ERI1: variants seen among roughly 807,000 people sequenced by gnomAD.
The protein encoded by ERI1 is exoribonuclease 1.
A neutral mutation model predicts 39.7 loss-of-function variants in ERI1; 39 were observed. The ratio of observed to expected loss-of-function variants is 0.98; its 90% CI spans 0.76 to 1.28. ERI1 has a LOEUF of 1.28. Ranked by LOEUF, ERI1 falls within the 50% of genes most tolerant of loss-of-function variation. The pLI is 0.00. For missense variants in ERI1, 581 were observed against 416.9 expected (o/e 1.39, Z -3.43); for synonymous variants, 204 against 149.6 (o/e 1.36, Z -2.65).
chr8:9,063,496 G>C (rs920852536), intron 3 of ERI1, among the ~76,000 whole-genome samples: 1 of 152,136 alleles, frequency 6.6e-6, no homozygotes. Context: ...GGCTGAGGAA[G>C]AATCGGGACC....
intron 3 of ERI1, among the ~76,000 whole-genome samples, chr8:9,013,341 AAAATT>A (rs1816877588): frequency 6.6e-6 from 1 of 151,794 alleles, no homozygotes; most frequent in Admixed American, 6.6e-5. Flanking sequence ...AAAAAAAAAA[AAAATT>A]AACACTGCAC....
intron 3 of ERI1, among the ~76,000 whole-genome samples, chr8:9,063,517 T>C (rs1400809981): frequency 6.6e-6 from 1 of 151,938 alleles, no homozygotes; most frequent in Non-Finnish European, 1.5e-5. Context: ...TAGCTCGGCC[T>C]GGCAAGGAGG....
chr8:9,009,447 C>T (rs1200290743), intron 2 of ERI1, among the ~76,000 whole-genome samples: 1 of 152,120 alleles, frequency 6.6e-6, no homozygotes, highest in Non-Finnish European at 1.5e-5. Context: ...TTTCTAATTC[C>T]AGTTTGTATG....
In ERI1 at chr8:9,017,624, G is replaced by A. The variant is rs1817448152; in HGVS notation, c.583-673G>A. On this transcript the variant is annotated intron_variant, in intron 4 of 6. Coordinates refer to ENST00000250263, the MANE Select transcript of ERI1 (RefSeq NM_153332.4). ...CTGTCCTGGGGAAAAACATCCTCAAGTTGATGAACTTGGGCTGAGTCATGA... is the reference window on the plus strand; with the variant it reads ...CTGTCCTGGGGAAAAACATCCTCAAATTGATGAACTTGGGCTGAGTCATGA... Among the ~76,000 whole-genome samples, 3 of 152,184 alleles carry A rather than the reference G, an allele frequency of 2.0e-5. No individual in the cohort carries two copies. The South Asian group carries it at 6.2e-4, about 32-fold the overall frequency.
chr8:9,052,292 G>T (rs1012353108), intron 3 of ERI1, among the ~76,000 whole-genome samples: 4 of 151,550 alleles, frequency 2.6e-5, no homozygotes, highest in East Asian at 1.9e-4. Flanking sequence ...CCATTCTTCC[G>T]TGTCCATGGA....
chr8:9,097,187 C>T (rs375911047), intron 3 of ERI1, among the ~76,000 whole-genome samples: 35 of 152,100 alleles, frequency 2.3e-4, no homozygotes, highest in African/African-American at 6.3e-4. Context: ...CAATCCCCAG[C>T]GCTTTCTCCC....
At chr8:9,074,092 T>G (rs1232264433) in intron 3 of ERI1, among the ~76,000 whole-genome samples, 1 of 151,812 alleles carries the variant, frequency 6.6e-6, no homozygotes, top group Non-Finnish European at 1.5e-5. Flanking sequence ...CCAGCCATAC[T>G]TTTTTGTGTG....
At chr8:9,009,850 T>C (rs1329420582) in intron 2 of ERI1, among the ~76,000 whole-genome samples, 1 of 152,206 alleles carries the variant, frequency 6.6e-6, no homozygotes, top group Admixed American at 6.5e-5. Flanking sequence ...GCTTATAGTA[T>C]ATTTTGTCTG....
At chr8:9,076,950 G>C (rs1485661013) in intron 3 of ERI1, among the ~76,000 whole-genome samples, 1 of 152,232 alleles carries the variant, frequency 6.6e-6, no homozygotes, top group African/African-American at 2.4e-5. Flanking sequence ...GTGAGGACAT[G>C]GGAATAAAAC....
chr8:9,006,488 A>G (rs149724250), intron 1 of ERI1, among the ~76,000 whole-genome samples: 1 of 152,230 alleles, frequency 6.6e-6, no homozygotes, highest in Non-Finnish European at 1.5e-5. Context: ...TTGGTAGACA[A>G]ACTGTTACTT....
chr8:9,037,541 C>A (rs571343539), downstream of ERI1, among the ~76,000 whole-genome samples: 1 of 150,426 alleles, frequency 6.6e-6, no homozygotes, highest in African/African-American at 2.4e-5. Context: ...GTAAATTATT[C>A]AGGCACAGGT....
In ERI1 at chr8:9,043,875, ATATT is replaced by A. The variant is rs1264944254; in HGVS notation, n.299+23414_299+23417del. ...TATTCAACAAAGAAATATTTACTGA[ATATT>A]TAATTCTAATTGAGAAAATAAGGCA... On this transcript the variant is annotated intron_variant and non_coding_transcript_variant, in intron 3 of 3. Coordinates refer to the ERI1 transcript ENST00000518663. Among the ~76,000 whole-genome samples the A allele has an allele frequency of 4.6e-5, 7 of 152,360 alleles. No individual in the cohort carries two copies. The East Asian group carries it at 9.6e-4, about 21-fold the overall frequency.
rs554616329 is a variant in ERI1 at position 9,010,201 on chromosome 8, G to T, written c.288-1341G>T. Among the ~76,000 whole-genome samples, 12 of 152,306 alleles carry T rather than the reference G, an allele frequency of 7.9e-5. No individual in the cohort carries two copies. The South Asian group carries it at 2.5e-3, about 32-fold the overall frequency. ...AAGAGCAAAGGAGATGTTAAAGATA[G>T]CAGGTTTCTATCCAGAGCAACTAGT... is the stretch of plus-strand genomic sequence containing the variant. On this transcript the variant is annotated intron_variant, in intron 2 of 6. Transcript: ENST00000250263.
downstream of ERI1, among the ~76,000 whole-genome samples, chr8:9,037,028 C>T (rs933479745): frequency 6.6e-6 from 1 of 152,164 alleles, no homozygotes; most frequent in East Asian, 1.9e-4. Flanking sequence ...ATCATCATTG[C>T]TACACAGACT....
At chr8:9,080,733 C>A (rs1333844485) in intron 3 of ERI1, among the ~76,000 whole-genome samples, 1 of 152,178 alleles carries the variant, frequency 6.6e-6, no homozygotes, top group East Asian at 1.9e-4. Flanking sequence ...GCCACTTCTT[C>A]ATTTGCCCCT....
rs1816253311 is a variant in ERI1, at chr8:9,008,226, A to G, written c.287+78A>G. 3 of 1,220,908 alleles carry G rather than the reference A, an allele frequency of 2.5e-6. No individual in the cohort carries two copies. In the East Asian group the frequency reaches 7.8e-5, roughly 32 times the overall value. The allele number at this position is 1,220,908 out of a possible 1,614,324, so 75.6% of individuals were successfully genotyped here. On this transcript the variant is annotated intron_variant, in intron 2 of 6. Coordinates refer to ENST00000250263, the MANE Select transcript of ERI1 (RefSeq NM_153332.4). Reference sequence around the variant, plus strand: ...AAATCTTGAAAACATTGAAATATTAAAAATCATCTGTAATCCTACCGTAAT... The same window carrying G: ...AAATCTTGAAAACATTGAAATATTAGAAATCATCTGTAATCCTACCGTAAT...
chr8:9,006,020 G>A (rs573531157), intron 1 of ERI1, among the ~76,000 whole-genome samples: 4 of 152,302 alleles, frequency 2.6e-5, no homozygotes, highest in African/African-American at 9.6e-5. Flanking sequence ...TATATGGTCC[G>A]TATTATATGT....
intron 3 of ERI1, among the ~76,000 whole-genome samples, chr8:9,069,076 C>T (rs181481019): frequency 3.3e-4 from 50 of 152,300 alleles, no homozygotes; most frequent in African/African-American, 1.1e-3. Context: ...ACCTCAGCCT[C>T]GCAAAGTGCT....
At chr8:9,045,915 G>A (rs757863145) in intron 3 of ERI1, among the ~76,000 whole-genome samples, 4 of 152,050 alleles carry the variant, frequency 2.6e-5, no homozygotes, top group Non-Finnish European at 2.9e-5. Flanking sequence ...CTGACCTCAA[G>A]TGATCCACCT....
Sources: gnomAD v4.1 joint callset for allele counts (sites outside exome capture counted in the v4.1 genomes callset) on GRCh38, gnomAD v4.1.1 for gene constraint, MANE v1.5 for transcripts, NCBI Gene and HGNC (gene_info 2026-07-23, HGNC 2026-07-21) for gene names.